The following MUC4 variants were observed in gnomAD, a reference collection of about 807,000 sequenced individuals.
MUC4 encodes the protein mucin 4, cell surface associated.
MUC4 carries 202 observed loss-of-function variants against 257.9 expected under a neutral mutation model. The ratio of observed to expected loss-of-function variants is 0.78; its 90% CI spans 0.70 to 0.88. The LOEUF is 0.88. MUC4 is among the 40% of genes least tolerant of loss of function. The pLI is 0.00. For synonymous variants in MUC4, 2,351 were observed against 2,757.1 expected (o/e 0.85, Z 4.62); for missense variants, 5,976 against 6,513.7 (o/e 0.92, Z 2.84).
intron 7 of MUC4, among the ~76,000 whole-genome samples, chr3:195,767,522 C>CCACCATCGCCACCACCAT (rs1720970015): frequency 8.7e-6 from 1 of 115,248 alleles, no homozygotes; most frequent in African/African-American, 4.0e-5. Flanking sequence ...ACCATCACCA[C>CCACCATCGCCACCACCAT]CACCATCGCC....
chr3:195,767,548 ATCACCATTACCATTG>A (rs1192158800), intron 7 of MUC4, among the ~76,000 whole-genome samples: 9 of 116,206 alleles, frequency 7.7e-5, no homozygotes, highest in Admixed American at 2.4e-4. Context: ...CATCATCACC[ATCACCATTACCATTG>A]CCACCACCAT....
intron 3 of MUC4, 162 bp downstream of exon 3, chr3:195,778,141 C>T: frequency 2.1e-6 from 2 of 941,994 alleles, no homozygotes; most frequent in Non-Finnish European, 3.0e-6. Context: ...GGCCCAGTGC[C>T]ATGCACAAAG....
At position 195,779,217 on chromosome 3, in the gene MUC4, T is replaced by G. The variant is rs191235959; in HGVS notation, c.12363A>C (p.Ala4121=). 12 of 1,287,706 alleles carry G rather than the reference T, an allele frequency of 9.3e-6. No homozygotes were observed. Among genetic ancestry groups the G allele is most frequent in the Middle Eastern group, 3.0e-4 (1 of 3,348 alleles). 79.8% of individuals were successfully genotyped at this position (1,287,706 alleles called of 1,614,324 possible). A position where few individuals can be genotyped will look rare whatever the true frequency, so the allele number is the denominator to read the frequency against. Reference sequence around the variant, plus strand: ...GAAGAGGGGTGGCCTGACCTGTGGATGCAGAGGAAGTGTCGGTGACAGGAA... The same window carrying G: ...GAAGAGGGGTGGCCTGACCTGTGGAGGCAGAGGAAGTGTCGGTGACAGGAA... The part of the protein sequence containing the change: ...TPLPVTDTSS[A]STGQATPLPV... Residue 4121 remains alanine (A), a synonymous_variant, in exon 2 of 25, where the codon GCA becomes GCC. Transcript: ENST00000463781.
intron 1 of MUC4, among the ~76,000 whole-genome samples, chr3:195,809,428 G>A (rs1234555810): frequency 6.6e-6 from 1 of 152,168 alleles, no homozygotes; most frequent in Non-Finnish European, 1.5e-5. Flanking sequence ...GGGGGTGGGG[G>A]CTGCCCACCC....
intron 24 of MUC4, among the ~76,000 whole-genome samples, chr3:195,748,495 A>AG (rs1216267486): frequency 6.6e-6 from 1 of 152,214 alleles, no homozygotes; most frequent in Non-Finnish European, 1.5e-5. Flanking sequence ...ACGCGGGAGA[A>AG]GGACGTTGCA....
In MUC4 at chr3:195,784,616, G is replaced by A. The variant is rs772451302; in HGVS notation, c.6964C>T (p.Pro2322Ser). The A allele has an allele frequency of 2.8e-6, 4 of 1,404,540 alleles. No homozygotes were observed. Among genetic ancestry groups the A allele is most frequent in the Non-Finnish European group, 3.8e-6 (4 of 1,044,676 alleles). The allele number at this position is 1,404,540 out of a possible 1,614,324, so 87.0% of individuals were successfully genotyped here. A position where few individuals can be genotyped will look rare whatever the true frequency, so the allele number is the denominator to read the frequency against. ...GATGCTGAGGAAAGGCTGGTGACAG[G>A]AAGAGGGGTGGCGTGACCTGTGGAT... is the stretch of plus-strand genomic sequence containing the variant. ...SASTGHATPLPVTSLSSASTG... is the reference protein window; with the variant it reads ...SASTGHATPLSVTSLSSASTG... The change falls in exon 2 of 25, where the codon CCT becomes TCT. Residue 2322 changes from proline (P) to serine (S), a missense_variant. Physicochemically the swap from Pro to Ser is moderately conservative, Grantham distance 74. Transcript: ENST00000463781.
Position 195,789,986 on chromosome 3 carries a change from C to T in MUC4, c.1594G>A (p.Val532Ile), listed in dbSNP as rs1246393719. 1.9e-6 allele frequency: 3 copies of T among 1,613,776 alleles called. No individual in the cohort carries two copies. The highest frequency in any genetic ancestry group is 1.7e-5 in the Admixed American group (1 of 59,994). The part of the protein sequence containing the change: ...STGTAGTIPR[V>I]PSKVSAIGEP... ...CCTATTGCTGAGACCTTAGAGGGGA[C>T]CCTTGGAATAGTGCCAGCTGTCCCT... is the stretch of plus-strand genomic sequence containing the variant. The change falls in exon 2 of 25, where the codon GTC becomes ATC. Residue 532 changes from valine to isoleucine, a missense_variant. Coordinates refer to ENST00000463781, the MANE Select transcript of MUC4 (RefSeq NM_018406.7).
rs1736616823 is a variant in MUC4, at chr3:195,810,860, C to T, written c.82+876G>A. On this transcript the variant is annotated intron_variant, in intron 1 of 24. Coordinates refer to ENST00000463781, the MANE Select transcript of MUC4 (RefSeq NM_018406.7). The surrounding 1 kb of genome is among the most constrained non-coding windows in gnomAD (Gnocchi z 4.2). ...CTTCCGTCTCCATCACCCAGCTTTC[C>T]TGGCATCCCCTCTACCCCCAGCTCT... Among the ~76,000 whole-genome samples, 2 of 152,162 alleles carry T rather than the reference C, an allele frequency of 1.3e-5. No homozygotes were observed. The highest frequency in any genetic ancestry group is 4.8e-5 in the African/African-American group (2 of 41,430).
rs1351815539 is a variant in MUC4 at position 195,786,624 on chromosome 3, G to T, written c.4956C>A (p.Thr1652=). The T allele has an allele frequency of 6.6e-7, 1 of 1,523,552 alleles. No individual in the cohort carries two copies. The highest frequency in any genetic ancestry group is 8.8e-7 in the Non-Finnish European group (1 of 1,131,896). 94.4% of individuals were successfully genotyped at this position (1,523,552 alleles called of 1,614,324 possible). A position where few individuals can be genotyped will look rare whatever the true frequency, so the allele number is the denominator to read the frequency against. The change falls in exon 2 of 25, where the codon ACC becomes ACA. Residue 1652 remains threonine (T), a synonymous_variant. Transcript: ENST00000463781. ...GACCTGTGGATGCTGAGGAAGGGCT[G>T]GTGACATGAAGAGGGGTGGCGTGAC... ...STGHATPLHV[T]SPSSASTGHA...
rs1372014587 is a variant in MUC4 at position 195,747,158 on chromosome 3, T to G, written c.*18A>C. 2.5e-6 allele frequency: 4 copies of G among 1,614,046 alleles called. No individual in the cohort carries two copies. Among genetic ancestry groups the G allele is most frequent in the Non-Finnish European group, 3.4e-6 (4 of 1,179,980 alleles). On this transcript the variant is annotated 3_prime_UTR_variant, in exon 25 of 25. Coordinates refer to ENST00000463781, the MANE Select transcript of MUC4 (RefSeq NM_018406.7). ...GGATGAGGTGAGTCTTGAGGTAGCC[T>G]AGGCCACAGCTGCCCCTTCAAGGCA...
rs768663400 is a variant in MUC4, at chr3:195,751,121, G to GAC, written c.15648-10_15648-9insGT. 6.5e-5 allele frequency: 103 copies of GAC among 1,594,626 alleles called. No individual in the cohort carries two copies. Among genetic ancestry groups the GAC allele is most frequent in the Non-Finnish European group, 8.4e-5 (98 of 1,170,378 alleles). ...CCGGTGCTGCAGAATCGCTGTGTGGGAGGGCAACGGTGAGGGGGGGTGGGG... is the reference window on the plus strand; with the variant it reads ...CCGGTGCTGCAGAATCGCTGTGTGGGACAGGGCAACGGTGAGGGGGGGTGGGG... On this transcript the variant is annotated splice_polypyrimidine_tract_variant and intron_variant, in intron 22 of 24. Transcript: ENST00000463781.
chr3:195,767,741 A>ACCC (rs1721502685), intron 7 of MUC4, among the ~76,000 whole-genome samples: 1 of 70,516 alleles, frequency 1.4e-5, no homozygotes, highest in Admixed American at 1.3e-4. Flanking sequence ...CACCACCATC[A>ACCC]CCATCGCCAC....
intron 21 of MUC4, 23 bp downstream of exon 21, chr3:195,752,349 CA>C: frequency 6.2e-7 from 1 of 1,601,894 alleles, no homozygotes; most frequent in Non-Finnish European, 8.6e-7. Flanking sequence ...CCCTCCCACC[CA>C]GAGCGCGGCC....
At chr3:195,752,970 C>T (rs1248636117) in intron 20 of MUC4, 81 bp downstream of exon 20, 1 of 1,260,052 alleles carries the variant, frequency 7.9e-7, no homozygotes, top group Non-Finnish European at 1.1e-6. Context: ...TCATCTTCCC[C>T]AAAGGTGGGC....
At chr3:195,811,391 C>G (rs1374276542) in intron 1 of MUC4, among the ~76,000 whole-genome samples, 2 of 151,934 alleles carry the variant, frequency 1.3e-5, no homozygotes, top group Non-Finnish European at 2.9e-5. Context: ...CCAGGCTGGT[C>G]TCGAACTCCT....
chr3:195,782,570 C>A lies in MUC4; in HGVS notation c.9010G>T (p.Gly3004Cys), dbSNP rs752820546. The change falls in exon 2 of 25, where the codon GGT becomes TGT. Residue 3004 changes from glycine to cysteine, a missense_variant. By Grantham distance (159) the Gly-to-Cys change is radical. Transcript: ENST00000463781. ...GTGACAGGAAGAGAGGTGGCGTGAC[C>A]TATGGATGCTGAGGAAGTGTCGGTG... ...PVTDTSSASI[G>C]HATSLPVTDT... 33 of 918,180 alleles carry A rather than the reference C, an allele frequency of 3.6e-5. 3 individuals are homozygous for A. The highest frequency in any genetic ancestry group is 9.3e-6 in the Non-Finnish European group (6 of 647,504). 56.9% of individuals were successfully genotyped at this position (918,180 alleles called of 1,614,324 possible). A position where few individuals can be genotyped will look rare whatever the true frequency, so the allele number is the denominator to read the frequency against.
chr3:195,752,780 G>C (rs980327844), intron 20 of MUC4, among the ~76,000 whole-genome samples: 1 of 152,180 alleles, frequency 6.6e-6, no homozygotes, highest in African/African-American at 2.4e-5. Context: ...ACTATGCTCC[G>C]GGCCTCCCCA....
At chr3:195,749,153 T>C (rs1281978026) in intron 23 of MUC4, 89 bp from the exon 24 acceptor site, 20 of 1,491,826 alleles carry the variant, frequency 1.3e-5, no homozygotes, top group Non-Finnish European at 1.8e-5. Context: ...TTCGGGTGTT[T>C]ATCCTGAGAA....
chr3:195,758,587 A>C (rs1718137149), intron 17 of MUC4, among the ~76,000 whole-genome samples: 1 of 11,154 alleles, frequency 9.0e-5, no homozygotes, highest in Non-Finnish European at 2.7e-4. Context: ...TTTTTGAGAC[A>C]GAGTCTCGCT....
Sources: gnomAD v4.1 joint callset for allele counts (sites outside exome capture counted in the v4.1 genomes callset) on GRCh38, gnomAD v4.1.1 for gene constraint, Gnocchi (gnomAD v3.1) non-coding constraint, MANE v1.5 for transcripts, NCBI Gene and HGNC (gene_info 2026-07-23, HGNC 2026-07-21) for gene names.